Variants in HMCN2 observed in about 807,000 individuals in gnomAD.
The protein encoded by HMCN2 is hemicentin 2.
Under a neutral mutation model 377.5 loss-of-function variants are expected in HMCN2, and 325 were observed. That is an observed-to-expected ratio of 0.86 (90% CI 0.79 to 0.94). The LOEUF is 0.94. Ranked by LOEUF, HMCN2 falls within the 40% of genes least tolerant of loss-of-function variation. The pLI, the probability that HMCN2 is intolerant of heterozygous loss-of-function variation, is 0.00. For missense variants in HMCN2, 4,543 were observed against 4,725.3 expected (o/e 0.96, Z 1.13); for synonymous variants, 2,007 against 2,046.8 (o/e 0.98, Z 0.53).
chr9:130,392,811 A>G lies in HMCN2; in HGVS notation c.10137-401A>G, dbSNP rs182959980. Reference sequence around the variant, plus strand: ...GGAGATCAAGACCATCCTGGCTAACACGGTGAAACCCCGTCTCTACTAAAA... The same window carrying G: ...GGAGATCAAGACCATCCTGGCTAACGCGGTGAAACCCCGTCTCTACTAAAA... On this transcript the variant is annotated intron_variant, in intron 66 of 97. Coordinates refer to ENST00000683500, the MANE Select transcript of HMCN2 (RefSeq NM_001291815.2). Among the ~76,000 whole-genome samples the G allele has an allele frequency of 9.9e-3, 1,505 of 152,160 alleles. 14 individuals are homozygous for G. Among genetic ancestry groups the G allele is most frequent in the South Asian group, 0.022 (108 of 4,814 alleles).
rs1844609543 is a variant in HMCN2, at chr9:130,429,568, T to C, written c.14209T>C (p.Cys4737Arg). Residue 4737 changes from cysteine (C) to arginine (R), a missense_variant, in exon 94 of 98, where the codon TGC (cysteine) becomes CGC (arginine). Around this residue, in one of 5 missense-constraint regions of HMCN2, gnomAD observed 1,155 missense variants for 1,157.7 expected, o/e 1.00. Coordinates refer to ENST00000683500, the MANE Select transcript of HMCN2 (RefSeq NM_001291815.2). ...CCCCTGCCTCCCAGATGTGGACGAA[T>C]GCCTGGAGGGGTTGGACGACTGTCA... ...DGAGCEDVDE[C>R]LEGLDDCHYN... is the part of the protein sequence containing the mutation. 2 of 1,550,444 alleles carry C rather than the reference T, an allele frequency of 1.3e-6. No individual in the cohort carries two copies. The highest frequency in any genetic ancestry group is 1.7e-6 in the Non-Finnish European group (2 of 1,146,868).
chr9:130,358,585 T>A, intron 36 of HMCN2, 99 bp downstream of exon 36: 26 of 1,070,216 alleles, frequency 2.4e-5, no homozygotes, highest in Non-Finnish European at 2.9e-5. Context: ...GGGGAGGAGG[T>A]TTTTCAGTCA....
chr9:130,395,951 C>T lies in HMCN2; in HGVS notation c.10939C>T (p.Arg3647Trp), dbSNP rs755250577. ...QEDAHTQFPE[R>W]GRFLQLQALS... ...GGACGCCCACACACAATTCCCGGAG[C>T]GGGGCAGGTTCCTCCAGCTGCAGGC... The change falls in exon 72 of 98, where the codon CGG (arginine) becomes TGG (tryptophan). Residue 3647 changes from arginine (R) to tryptophan (W), a missense_variant. Arg to Trp is a moderately radical substitution (Grantham distance 101). Coordinates refer to ENST00000683500, the MANE Select transcript of HMCN2 (RefSeq NM_001291815.2). 1.2e-4 allele frequency: 155 copies of T among 1,287,352 alleles called. No homozygotes were observed. Among genetic ancestry groups the T allele is most frequent in the Non-Finnish European group, 1.5e-4 (145 of 988,694 alleles). 79.7% of individuals were successfully genotyped at this position (1,287,352 alleles called of 1,614,324 possible).
chr9:130,305,043 C>T (rs781962068), intron 11 of HMCN2, 41 bp downstream of exon 11: 17 of 453,720 alleles, frequency 3.7e-5, no homozygotes, highest in Non-Finnish European at 7.5e-5. Context: ...TAATTCAACA[C>T]GTGACCTGGT....
At chr9:130,427,403 G>T in intron 91 of HMCN2, 28 bp downstream of exon 91, 3 of 1,550,594 alleles carry the variant, frequency 1.9e-6, no homozygotes. Context: ...TGGCATGGAT[G>T]TGGGAGGCCT....
At chr9:130,349,448 T>C (rs1839575594) in intron 28 of HMCN2, 89 bp from the exon 29 acceptor site, 2 of 1,230,054 alleles carry the variant, frequency 1.6e-6, no homozygotes, top group South Asian at 1.4e-5. Flanking sequence ...GGGCCCAGGC[T>C]GGGGGGTCTG....
At chr9:130,287,055 G>A (rs183658797) in intron 4 of HMCN2, among the ~76,000 whole-genome samples, 128 of 152,302 alleles carry the variant, frequency 8.4e-4, no homozygotes, top group Admixed American at 6.7e-3. Flanking sequence ...ACCCATTTCC[G>A]TGGTATAAAT....
At chr9:130,288,141 G>A (rs1835522134) in intron 4 of HMCN2, among the ~76,000 whole-genome samples, 1 of 152,180 alleles carries the variant, frequency 6.6e-6, no homozygotes, top group Non-Finnish European at 1.5e-5. Context: ...CTTGGTTCCT[G>A]CCAGGGGCAA....
chr9:130,410,586 C>T lies in HMCN2; in HGVS notation c.12895C>T (p.Arg4299Trp), dbSNP rs765025459. 85 of 1,550,432 alleles carry T rather than the reference C, an allele frequency of 5.5e-5. No homozygotes were observed. Among genetic ancestry groups the T allele is most frequent in the Middle Eastern group, 3.3e-4 (2 of 6,014 alleles). Reference sequence around the variant, plus strand: ...CCACTTGCAGAGGGACGATGCGGGACGGTACCAGTGCCTGGCAGAGAATGA... The same window carrying T: ...CCACTTGCAGAGGGACGATGCGGGATGGTACCAGTGCCTGGCAGAGAATGA... ...IRRTERDDAG[R>W]YQCLAENEMG... Residue 4299 changes from arginine (R) to tryptophan (W), a missense_variant, in exon 85 of 98, where the codon CGG (arginine) becomes TGG (tryptophan). Around this residue, in one of 5 missense-constraint regions of HMCN2, gnomAD observed 1,155 missense variants for 1,157.7 expected, o/e 1.00. Transcript: ENST00000683500.
chr9:130,431,667 C>T (rs1046401104), intron 96 of HMCN2, among the ~76,000 whole-genome samples, 181 bp downstream of exon 96: 3 of 152,218 alleles, frequency 2.0e-5, no homozygotes, highest in African/African-American at 7.2e-5. Flanking sequence ...CACAGCCACG[C>T]CAGGGCCCAT....
chr9:130,402,831 G>T lies in HMCN2; in HGVS notation c.11813G>T (p.Arg3938Leu), dbSNP rs772014507. 3 of 1,289,590 alleles carry T rather than the reference G, an allele frequency of 2.3e-6. No individual in the cohort carries two copies. The highest frequency in any genetic ancestry group is 1.5e-5 in the African/African-American group (1 of 65,826). 79.9% of individuals were successfully genotyped at this position (1,289,590 alleles called of 1,614,324 possible). Reference sequence around the variant, plus strand: ...CAGGCCCTCCCCATCCACGCAGGCCGCTACACCTGCTCAGCCCGCAACTCT... The same window carrying T: ...CAGGCCCTCCCCATCCACGCAGGCCTCTACACCTGCTCAGCCCGCAACTCT... ...IGQALPIHAGRYTCSARNSAG... is the reference protein window; with the variant it reads ...IGQALPIHAGLYTCSARNSAG... Residue 3938 changes from arginine (R) to leucine (L), a missense_variant, in exon 78 of 98, where the codon CGC (arginine) becomes CTC (leucine). Arg to Leu is a moderately radical substitution (Grantham distance 102). Transcript: ENST00000683500.
In HMCN2 at chr9:130,394,553, T is replaced by C; in HGVS notation, c.10670T>C (p.Val3557Ala). The change falls in exon 69 of 98, where the codon GTG becomes GCG. Residue 3557 changes from valine to alanine, a missense_variant. Physicochemically the swap from Val to Ala is moderately conservative, Grantham distance 64 (BLOSUM62 0). Around this residue, in one of 5 missense-constraint regions of HMCN2, gnomAD observed 1,073 missense variants for 1,319.5 expected, o/e 0.81. Transcript: ENST00000683500. This position sits in a 1 kb window ranked among gnomAD's most constrained non-coding sequence, Gnocchi z 5.1. ...RLENNSRATR[V>A]LRVENVQVRD... ...GAGAACAACAGCAGAGCCACACGGGTGCTCCGGGTGGAGAATGTGCAGGTA... is the reference window on the plus strand; with the variant it reads ...GAGAACAACAGCAGAGCCACACGGGCGCTCCGGGTGGAGAATGTGCAGGTA... The C allele has an allele frequency of 7.8e-7, 1 of 1,288,306 alleles. No individual in the cohort carries two copies. Among genetic ancestry groups the C allele is most frequent in the Non-Finnish European group, 1.0e-6 (1 of 988,226 alleles). The allele number at this position is 1,288,306 out of a possible 1,614,324, so 79.8% of individuals were successfully genotyped here. A position where few individuals can be genotyped will look rare whatever the true frequency, so the allele number is the denominator to read the frequency against.
At position 130,383,475 on chromosome 9, in the gene HMCN2, C is replaced by T; in HGVS notation, c.8734-29C>T. On this transcript the variant is annotated intron_variant, in intron 56 of 97. Transcript: ENST00000683500. ...GTGGTGTCCAAGGGGTCTCAGGTAT[C>T]TCCCAGGCATGGCTCCCTGCACCCA... 5 of 971,088 alleles carry T rather than the reference C, an allele frequency of 5.1e-6. No homozygotes were observed. In the South Asian group the frequency reaches 2.4e-4, roughly 46 times the overall value. The allele number at this position is 971,088 out of a possible 1,614,324, so 60.2% of individuals were successfully genotyped here.
At chr9:130,381,959 C>T (rs975048038) in intron 54 of HMCN2, among the ~76,000 whole-genome samples, 4 of 152,090 alleles carry the variant, frequency 2.6e-5, no homozygotes, top group East Asian at 1.9e-4. Context: ...TGGGACAGGC[C>T]GAGAATGTGC....
In HMCN2 at chr9:130,379,285, C is replaced by G. The variant is rs1056009841; in HGVS notation, c.8249C>G (p.Ala2750Gly). Residue 2750 changes from alanine (A) to glycine (G), a missense_variant, in exon 54 of 98, where the codon GCA becomes GGA. Ala to Gly is a moderately conservative substitution (Grantham distance 60). Transcript: ENST00000683500. ...PMFQKVGDFS[A>G]AFEILSREEE... ...TTCCAGAAGGTGGGTGATTTCAGTGCAGCCTTCGAGATCCTGTCCCGGGAG... is the reference window on the plus strand; with the variant it reads ...TTCCAGAAGGTGGGTGATTTCAGTGGAGCCTTCGAGATCCTGTCCCGGGAG... The G allele has an allele frequency of 2.5e-5, 25 of 985,794 alleles. No homozygotes were observed. Among genetic ancestry groups the G allele is most frequent in the East Asian group, 1.1e-4 (1 of 8,798 alleles). 61.1% of individuals were successfully genotyped at this position (985,794 alleles called of 1,614,324 possible).
chr9:130,355,388 C>T lies in HMCN2; in HGVS notation c.5146+344C>T, dbSNP rs190918887. On this transcript the variant is annotated intron_variant, in intron 32 of 97. Coordinates refer to ENST00000683500, the MANE Select transcript of HMCN2 (RefSeq NM_001291815.2). The stretch of plus-strand genomic sequence containing the variant: ...GCTTGTGGGTATGGTCCCAGCAGGG[C>T]GGGTGGGGCCTTCGCCTGCTCTTCC... 1.8e-3 allele frequency among the ~76,000 whole-genome samples: 273 copies of T among 152,290 alleles called. 2 individuals are homozygous for T. The highest frequency in any genetic ancestry group is 3.1e-3 in the Non-Finnish European group (210 of 68,016).
At chr9:130,346,485 G>C (rs1193800402) in intron 25 of HMCN2, among the ~76,000 whole-genome samples, 2 of 151,504 alleles carry the variant, frequency 1.3e-5, no homozygotes, top group Admixed American at 6.6e-5. Flanking sequence ...AGGCAGGGGG[G>C]TGTGGCACTC....
At chr9:130,431,572 C>A (rs747775514) in intron 96 of HMCN2, 86 bp downstream of exon 96, 13 of 1,487,826 alleles carry the variant, frequency 8.7e-6, no homozygotes, top group African/African-American at 1.4e-5. Flanking sequence ...TTACCTACTC[C>A]GTTCACTCCA....
At chr9:130,285,042 G>T in intron 2 of HMCN2, 116 bp from the exon 3 acceptor site, 1 of 389,784 alleles carries the variant, frequency 2.6e-6, no homozygotes, top group Non-Finnish European at 5.3e-6. Flanking sequence ...TGACTGGGTG[G>T]GCAGGAGGTG....
Sources: allele counts gnomAD v4.1 joint callset (sites outside exome capture counted in the v4.1 genomes callset), GRCh38; gene constraint gnomAD v4.1.1; regional missense constraint gnomAD v4.1.1; non-coding constraint Gnocchi (gnomAD v3.1); transcripts MANE v1.5; gene names NCBI Gene and HGNC (gene_info 2026-07-23, HGNC 2026-07-21).